BCL9: variants seen among roughly 807,000 people sequenced by gnomAD.
BCL9 encodes BCL9 transcription coactivator, also known as B-cell CLL/lymphoma 9 protein.
A neutral mutation model predicts 88.5 loss-of-function variants in BCL9; 25 were observed. The ratio of observed to expected loss-of-function variants is 0.28; its 90% CI spans 0.21 to 0.39. The LOEUF is 0.39. BCL9 is among the 10% of genes least tolerant of loss of function. The pLI, the probability that BCL9 is intolerant of heterozygous loss-of-function variation, is 1.00. For missense variants in BCL9, 1,817 were observed against 1,877.8 expected (o/e 0.97, Z 0.60); for synonymous variants, 711 against 673.3 (o/e 1.06, Z -0.87).
At chr1:147,579,312 A>G (rs1020972553) in intron 1 of BCL9, among the ~76,000 whole-genome samples, 4 of 152,226 alleles carry the variant, frequency 2.6e-5, no homozygotes, top group Admixed American at 2.6e-4. Context: ...ATTCTTTCTA[A>G]CCTTAGCATT....
At chr1:147,546,274 C>T (rs1040751717) in intron 1 of BCL9, among the ~76,000 whole-genome samples, 1 of 151,626 alleles carries the variant, frequency 6.6e-6, no homozygotes, top group East Asian at 1.9e-4. Context: ...GGAGGAGGAG[C>T]TTGCAGTAAG....
At chr1:147,567,558 T>A (rs937406263) in intron 1 of BCL9, among the ~76,000 whole-genome samples, 1 of 152,200 alleles carries the variant, frequency 6.6e-6, no homozygotes, top group Non-Finnish European at 1.5e-5. Flanking sequence ...GAATAAAATA[T>A]TTCACTTATG....
intron 1 of BCL9, among the ~76,000 whole-genome samples, chr1:147,580,075 T>A (rs1553198451): frequency 6.6e-6 from 1 of 152,196 alleles, no homozygotes; most frequent in Non-Finnish European, 1.5e-5. Context: ...GTACAACATG[T>A]TTATTCATCC....
rs1430306082 is a variant in BCL9, at chr1:147,625,259, A to G, written c.*300A>G. ...CTGTAGCTGTGCTTTGAGAATTGCCATCGGTCATGTGTTGCACCGTTCTCT... is the reference window on the plus strand; with the variant it reads ...CTGTAGCTGTGCTTTGAGAATTGCCGTCGGTCATGTGTTGCACCGTTCTCT... On this transcript the variant is annotated 3_prime_UTR_variant, in exon 10 of 10. Coordinates refer to ENST00000234739, the MANE Select transcript of BCL9 (RefSeq NM_004326.4). 5.2e-6 allele frequency: 2 copies of G among 381,070 alleles called. No homozygotes were observed. Among genetic ancestry groups the G allele is most frequent in the South Asian group, 4.4e-5 (1 of 22,478 alleles). The allele number at this position is 381,070 out of a possible 1,614,324, so 23.6% of individuals were successfully genotyped here. A position where few individuals can be genotyped will look rare whatever the true frequency, so the allele number is the denominator to read the frequency against.
At chr1:147,597,826 A>G (rs1416497391) in intron 1 of BCL9, among the ~76,000 whole-genome samples, 1 of 152,168 alleles carries the variant, frequency 6.6e-6, no homozygotes, top group Non-Finnish European at 1.5e-5. Context: ...CTTTTACCCT[A>G]GTGTCGTATG....
At chr1:147,608,788 C>A (rs1657858614) in intron 3 of BCL9, among the ~76,000 whole-genome samples, 1 of 152,160 alleles carries the variant, frequency 6.6e-6, no homozygotes, top group African/African-American at 2.4e-5. Context: ...TACTGCTGAG[C>A]ACTTTATATG....
intron 1 of BCL9, among the ~76,000 whole-genome samples, chr1:147,567,552 A>G (rs587708424): frequency 2.0e-5 from 3 of 152,370 alleles, no homozygotes; most frequent in African/African-American, 7.2e-5. Flanking sequence ...AAGCAGGAAT[A>G]AAATATTTCA....
rs868996195 is a variant in BCL9, at chr1:147,562,471, C to T, written c.-478+20797C>T. 9.2e-5 allele frequency among the ~76,000 whole-genome samples: 14 copies of T among 152,238 alleles called. No individual in the cohort carries two copies. The South Asian group carries it at 1.0e-3, about 11-fold the overall frequency. On this transcript the variant is annotated intron_variant, in intron 1 of 9. Transcript: ENST00000234739. Reference sequence around the variant, plus strand: ...GTGACATATGCACACCTTTATTTTTCAGAGACATAATCTGACAGTAGTGCA... The same window carrying T: ...GTGACATATGCACACCTTTATTTTTTAGAGACATAATCTGACAGTAGTGCA...
intron 1 of BCL9, among the ~76,000 whole-genome samples, chr1:147,567,957 T>C (rs895874189): frequency 5.3e-5 from 8 of 152,176 alleles, no homozygotes; most frequent in Admixed American, 6.5e-5. Context: ...TGAAAGTGTG[T>C]TCCTTACTGC....
intron 1 of BCL9, among the ~76,000 whole-genome samples, chr1:147,568,170 T>C (rs1360566354): frequency 6.6e-6 from 1 of 152,210 alleles, no homozygotes; most frequent in African/African-American, 2.4e-5. Context: ...AAAGTCCTAG[T>C]CTTGTTACTT....
intron 1 of BCL9, among the ~76,000 whole-genome samples, chr1:147,564,797 A>G (rs911637129): frequency 6.6e-6 from 1 of 152,216 alleles, no homozygotes; most frequent in South Asian, 2.1e-4. Context: ...CTGTTGAAAC[A>G]GTTCTCAAAC....
chr1:147,570,992 T>C (rs1320231413), intron 1 of BCL9, among the ~76,000 whole-genome samples: 1 of 152,030 alleles, frequency 6.6e-6, no homozygotes, highest in Non-Finnish European at 1.5e-5. Flanking sequence ...GGAGTTTTGC[T>C]CTTGTTGCTA....
chr1:147,561,882 G>C (rs1369945669), intron 1 of BCL9, among the ~76,000 whole-genome samples: 1 of 152,190 alleles, frequency 6.6e-6, no homozygotes, highest in African/African-American at 2.4e-5. Context: ...TAGTATAGGA[G>C]CTCAACAGAT....
At chr1:147,608,319 G>GTT (rs1657824755) in intron 3 of BCL9, among the ~76,000 whole-genome samples, 2 of 100,082 alleles carry the variant, frequency 2.0e-5, no homozygotes, top group South Asian at 7.3e-4. Context: ...CTAGACCTGG[G>GTT]TTTTGTTTTG....
intron 3 of BCL9, among the ~76,000 whole-genome samples, chr1:147,610,052 C>A (rs988612993): frequency 6.6e-6 from 1 of 151,762 alleles, no homozygotes; most frequent in East Asian, 1.9e-4. Context: ...TGGCTTTGTC[C>A]ATGCAGGATT....
chr1:147,615,759 A>G, intron 6 of BCL9, 44 bp from the exon 7 acceptor site: 1 of 1,515,874 alleles, frequency 6.6e-7, no homozygotes, highest in Non-Finnish European at 9.1e-7. Context: ...AGTTAGTGAA[A>G]TAGAAACAAG....
chr1:147,580,213 C>A (rs1656306372), intron 1 of BCL9, among the ~76,000 whole-genome samples: 1 of 152,170 alleles, frequency 6.6e-6, no homozygotes. Flanking sequence ...CTCTCAAAAC[C>A]AATCCTGTGT....
At position 147,620,471 on chromosome 1, in the gene BCL9, C is replaced by G. The variant is rs1658561805; in HGVS notation, c.2316C>G (p.His772Gln). 2 of 1,614,062 alleles carry G rather than the reference C, an allele frequency of 1.2e-6. No individual in the cohort carries two copies. Among genetic ancestry groups the G allele is most frequent in the Non-Finnish European group, 1.7e-6 (2 of 1,179,976 alleles). ...TGGTGCCACTGCCATTTGGTGAGCA[C>G]CCCCAGCAGGAGTATGGCATGGGCC... ...QKMVPLPFGE[H>Q]PQQEYGMGPR... is the part of the protein sequence containing the mutation. The change falls in exon 8 of 10, where the codon CAC becomes CAG. Residue 772 changes from histidine (H) to glutamine (Q), a missense_variant. By Grantham distance (24) the His-to-Gln change is conservative. Around this residue, in one of 2 missense-constraint regions of BCL9, gnomAD observed 1,228 missense variants for 1,191.6 expected, o/e 1.03. Coordinates refer to ENST00000234739, the MANE Select transcript of BCL9 (RefSeq NM_004326.4).
rs781945777 is a variant in BCL9, at chr1:147,619,816, A to G, written c.1661A>G (p.Asn554Ser). ...LPPRGMAPHP[N>S]MPGSQMRLPG... ...CCGAGGGGCATGGCTCCCCACCCCA[A>G]CATGCCAGGGAGCCAGATGCGCCTC... is the stretch of plus-strand genomic sequence containing the variant. The change falls in exon 8 of 10, where the codon AAC (asparagine) becomes AGC (serine). Residue 554 changes from asparagine to serine, a missense_variant. Asn to Ser is a conservative substitution (Grantham distance 46, BLOSUM62 1). This residue lies in a region of BCL9 where 1,228 missense variants were observed against 1,191.6 expected (regional missense o/e 1.03). Transcript: ENST00000234739. This position sits in a 1 kb window ranked among gnomAD's most constrained non-coding sequence, Gnocchi z 4.1. 6 of 1,614,154 alleles carry G rather than the reference A, an allele frequency of 3.7e-6. No individual in the cohort carries two copies. The East Asian group carries it at 8.9e-5, about 24-fold the overall frequency.
Sources: allele counts gnomAD v4.1 joint callset (sites outside exome capture counted in the v4.1 genomes callset), GRCh38; gene constraint gnomAD v4.1.1; regional missense constraint gnomAD v4.1.1; non-coding constraint Gnocchi (gnomAD v3.1); transcripts MANE v1.5; gene names NCBI Gene and HGNC (gene_info 2026-07-23, HGNC 2026-07-21).